The following PLIN3 variants were observed in gnomAD, a reference collection of about 807,000 sequenced individuals.
PLIN3 encodes perilipin-3.
In PLIN3, 30 loss-of-function variants were observed where a neutral mutation model predicts 35.9. The ratio of observed to expected loss-of-function variants is 0.84; its 90% CI spans 0.62 to 1.13. The LOEUF is 1.13. Ranked by LOEUF, PLIN3 falls within the 50% of genes most tolerant of loss-of-function variation. PLIN3 has a pLI of 0.00. For synonymous variants in PLIN3, 261 were observed against 262.5 expected, an observed-to-expected ratio of 0.99 and a Z score of 0.06; for missense variants, 603 against 596.9, an observed-to-expected ratio of 1.01 and a Z score of -0.11.
chr19:4,855,281 A>T (rs2030438055), intron 4 of PLIN3, among the ~76,000 whole-genome samples: 1 of 133,154 alleles, frequency 7.5e-6, no homozygotes, highest in Non-Finnish European at 1.6e-5. Context: ...AAAAGCTCCC[A>T]GCTGCTGCTC....
chr19:4,843,510 A>AAAAAAAAAAAATAAATAAAT (rs1555733213), intron 7 of PLIN3, among the ~76,000 whole-genome samples: 5 of 139,442 alleles, frequency 3.6e-5, no homozygotes, highest in South Asian at 2.4e-4. Flanking sequence ...TCCATCTCAA[A>AAAAAAAAAAAATAAATAAAT]AAATAAATAA....
intron 4 of PLIN3, among the ~76,000 whole-genome samples, chr19:4,857,263 C>T (rs1266110300): frequency 1.3e-5 from 2 of 151,746 alleles, no homozygotes; most frequent in African/African-American, 4.8e-5. Context: ...TATGGCGAGA[C>T]TCCGTCTTGA....
intron 4 of PLIN3, among the ~76,000 whole-genome samples, chr19:4,858,968 C>G (rs1201227562): frequency 6.6e-6 from 1 of 151,852 alleles, no homozygotes; most frequent in Non-Finnish European, 1.5e-5. Flanking sequence ...TCCCAAAGTG[C>G]TGGGATTACA....
chr19:4,854,437 CTT>C (rs773590638), intron 4 of PLIN3, among the ~76,000 whole-genome samples: 1 of 150,328 alleles, frequency 6.7e-6, no homozygotes, highest in African/African-American at 2.4e-5. Flanking sequence ...AGTTTTTGCT[CTT>C]GTCACCCAGG....
At chr19:4,853,710 G>A (rs574965444) in intron 4 of PLIN3, among the ~76,000 whole-genome samples, 74 of 151,966 alleles carry the variant, frequency 4.9e-4, no homozygotes, top group African/African-American at 1.7e-3. Flanking sequence ...CTACTCAAGA[G>A]GCTGAGGCGG....
intron 5 of PLIN3, 132 bp downstream of exon 5, chr19:4,851,884 T>C (rs35555865): frequency 0.4 from 381,901 of 945,244 alleles, 78,727 homozygotes; most frequent in East Asian, 0.45. Context: ...GTGATGAGAT[T>C]CCAAGATGCC....
At chr19:4,850,311 C>G (rs1306006154) in intron 5 of PLIN3, among the ~76,000 whole-genome samples, 2 of 150,912 alleles carry the variant, frequency 1.3e-5, no homozygotes, top group Non-Finnish European at 3.0e-5. Context: ...GAGTCTCACT[C>G]TGTCGCCCAG....
intron 7 of PLIN3, 58 bp from the exon 8 acceptor site, chr19:4,839,594 A>G: frequency 7.5e-7 from 1 of 1,331,700 alleles, no homozygotes; most frequent in Non-Finnish European, 1.0e-6. Context: ...AGGCGATCGG[A>G]GCTGAAGCCA....
At position 4,859,609 on chromosome 19, in the gene PLIN3, A is replaced by C. The variant is rs1055966567; in HGVS notation, c.329T>G (p.Leu110Arg). 2 of 1,614,100 alleles carry C rather than the reference A, an allele frequency of 1.2e-6. No homozygotes were observed. The highest frequency in any genetic ancestry group is 2.2e-5 in the East Asian group (1 of 44,886). The change falls in exon 4 of 8, where the codon CTG becomes CGG. Residue 110 changes from leucine (L) to arginine (R), a missense_variant. By Grantham distance (102) the Leu-to-Arg change is moderately radical. Transcript: ENST00000221957. ...CGTTACCTTCTCCGTGGGCTGCTGC[A>C]GGATGGGGAGGTTCTCCTCCAACTT... The part of the protein sequence containing the change: ...LDKLEENLPI[L>R]QQPTEKVLAD...
chr19:4,865,367 T>C (rs527696090), intron 1 of PLIN3, among the ~76,000 whole-genome samples: 1 of 151,610 alleles, frequency 6.6e-6, no homozygotes, highest in African/African-American at 2.4e-5. Flanking sequence ...CTGACACCTG[T>C]AGTCCCAGCT....
At chr19:4,851,076 C>G (rs1340234229) in intron 5 of PLIN3, among the ~76,000 whole-genome samples, 2 of 152,054 alleles carry the variant, frequency 1.3e-5, no homozygotes, top group African/African-American at 4.8e-5. Context: ...AGATGGGAGG[C>G]TCGCCTCAAC....
intron 4 of PLIN3, among the ~76,000 whole-genome samples, chr19:4,858,350 C>A (rs939788636): frequency 6.7e-6 from 1 of 148,286 alleles, no homozygotes; most frequent in African/African-American, 2.5e-5. Flanking sequence ...TGCTGAGGGG[C>A]AGGACACAGT....
chr19:4,852,900 C>T (rs150833620), intron 4 of PLIN3, among the ~76,000 whole-genome samples: 7 of 150,994 alleles, frequency 4.6e-5, no homozygotes, highest in Non-Finnish European at 1.0e-4. Context: ...CTGTAACCTC[C>T]GCCTCCTGGG....
At chr19:4,853,466 C>G (rs1401103148) in intron 4 of PLIN3, among the ~76,000 whole-genome samples, 1 of 151,938 alleles carries the variant, frequency 6.6e-6, no homozygotes, top group East Asian at 1.9e-4. Flanking sequence ...GCTGGGATTA[C>G]AAGCACATGC....
chr19:4,849,722 G>A (rs1316815718), intron 5 of PLIN3, among the ~76,000 whole-genome samples: 2 of 151,820 alleles, frequency 1.3e-5, no homozygotes, highest in Non-Finnish European at 2.9e-5. Flanking sequence ...GCATGATCTC[G>A]GCTCACTGCA....
chr19:4,865,817 C>G (rs1027645286), intron 1 of PLIN3, among the ~76,000 whole-genome samples: 1 of 149,814 alleles, frequency 6.7e-6, no homozygotes, highest in Non-Finnish European at 1.5e-5. Context: ...TCTGCCTCCC[C>G]GGTTCACGCC....
intron 7 of PLIN3, among the ~76,000 whole-genome samples, 172 bp from the exon 8 acceptor site, chr19:4,839,708 C>T: frequency 6.6e-6 from 1 of 151,926 alleles, no homozygotes; most frequent in South Asian, 2.1e-4. Context: ...CCCTGTCGCC[C>T]AGGCTGGAGT....
chr19:4,844,871 C>T (rs2030034467), intron 6 of PLIN3, 78 bp from the exon 7 acceptor site: 26 of 1,441,294 alleles, frequency 1.8e-5, no homozygotes, highest in Non-Finnish European at 2.4e-5. Context: ...CCAAGGAATC[C>T]TTCCAGCATC....
rs764352519 is a variant in PLIN3 at position 4,839,301 on chromosome 19, T to G, written c.1196A>C (p.Glu399Ala). The change falls in exon 8 of 8, where the codon GAG (glutamate) becomes GCG (alanine). Residue 399 changes from glutamate to alanine, a missense_variant. Coordinates refer to ENST00000221957, the MANE Select transcript of PLIN3 (RefSeq NM_005817.5). ...QSRERVASAR[E>A]ALDHMVEYVA... Reference sequence around the variant, plus strand: ...ATATTCCACCATGTGGTCCAGGGCCTCGCGGGCGCTGGCGACACGCTCACG... The same window carrying G: ...ATATTCCACCATGTGGTCCAGGGCCGCGCGGGCGCTGGCGACACGCTCACG... 3 of 1,614,046 alleles carry G rather than the reference T, an allele frequency of 1.9e-6. No individual in the cohort carries two copies. Among genetic ancestry groups the G allele is most frequent in the Non-Finnish European group, 2.5e-6 (3 of 1,180,002 alleles).
Sources: allele counts gnomAD v4.1 joint callset (sites outside exome capture counted in the v4.1 genomes callset), GRCh38; gene constraint gnomAD v4.1.1; transcripts MANE v1.5; gene names NCBI Gene and HGNC (gene_info 2026-07-23, HGNC 2026-07-21).